Variants in RAP1GAP2 observed in about 807,000 individuals in gnomAD.
RAP1GAP2 encodes the protein RAP1 GTPase activating protein 2.
In RAP1GAP2, 27 loss-of-function variants were observed where a neutral mutation model predicts 95.0. The observed-to-expected ratio is 0.28, with a 90% CI of 0.21 to 0.39. RAP1GAP2 has a LOEUF of 0.39. Among genes scored for constraint, RAP1GAP2 ranks in the 10% least tolerant of loss-of-function variants. RAP1GAP2 has a pLI of 1.00. For missense variants in RAP1GAP2, 771 were observed against 970.0 expected, an observed-to-expected ratio of 0.79 and a Z score of 2.72; for synonymous variants, 373 against 380.9, an observed-to-expected ratio of 0.98 and a Z score of 0.24.
chr17:2,797,073 GTGTGTGTGA>G lies in RAP1GAP2; in HGVS notation c.44+505_44+513del. Among the ~76,000 whole-genome samples the G allele has an allele frequency of 6.6e-6, 1 of 152,246 alleles. No homozygotes were observed. Among genetic ancestry groups the G allele is most frequent in the African/African-American group, 2.4e-5 (1 of 41,530 alleles). ...TGTGTGTGCTTGTGTCTGCGTGTTTGTGTGTGTGATGCTCCTGTCTGTGCTGTTGTTGTG... is the reference window on the plus strand; with the variant it reads ...TGTGTGTGCTTGTGTCTGCGTGTTTGTGCTCCTGTCTGTGCTGTTGTTGTG... On this transcript the variant is annotated intron_variant, in intron 1 of 24. Transcript: ENST00000254695. This position sits in a 1 kb window ranked among gnomAD's most constrained non-coding sequence, Gnocchi z 5.6.
intron 2 of RAP1GAP2, among the ~76,000 whole-genome samples, chr17:2,891,809 C>CTTTTTTTTTTTTTTTTTTTT: frequency 1.7e-5 from 1 of 58,030 alleles, no homozygotes; most frequent in Non-Finnish European, 4.0e-5. Context: ...ATTCATATTT[C>CTTTTTTTTTTTTTTTTTTTT]TTTTCTTTTT....
intron 2 of RAP1GAP2, among the ~76,000 whole-genome samples, chr17:2,900,812 C>A (rs771974554): frequency 2.0e-5 from 3 of 152,204 alleles, no homozygotes; most frequent in African/African-American, 7.2e-5. Flanking sequence ...CAAGACACAA[C>A]GAGGTAACTT....
chr17:2,867,446 AGATGGAC>A lies in RAP1GAP2; in HGVS notation c.81-37832_81-37826del, dbSNP rs149812690. Reference sequence around the variant, plus strand: ...TCGTCCTCAGGTACCTTATCCACGAAGATGGACGATGGCTGCCCTGGGCTGACCTTCT... The same window carrying A: ...TCGTCCTCAGGTACCTTATCCACGAAGATGGCTGCCCTGGGCTGACCTTCT... On this transcript the variant is annotated intron_variant, in intron 2 of 24. Transcript: ENST00000254695. This position sits in a 1 kb window ranked among gnomAD's most constrained non-coding sequence, Gnocchi z 4.5. Among the ~76,000 whole-genome samples, 703 of 152,294 alleles carry A rather than the reference AGATGGAC, an allele frequency of 4.6e-3. 6 individuals are homozygous for A. Among genetic ancestry groups the A allele is most frequent in the African/African-American group, 0.016 (664 of 41,564 alleles).
chr17:2,850,857 T>G (rs1026622275), intron 2 of RAP1GAP2, among the ~76,000 whole-genome samples: 6 of 151,726 alleles, frequency 4.0e-5, no homozygotes, highest in Non-Finnish European at 7.4e-5. Context: ...GGTCAGGAGT[T>G]CGAGATCAGC....
chr17:2,813,557 G>A (rs1014766645), intron 2 of RAP1GAP2, among the ~76,000 whole-genome samples: 1 of 152,192 alleles, frequency 6.6e-6, no homozygotes, highest in Non-Finnish European at 1.5e-5. Context: ...AACATTTGAG[G>A]CTGGCTGACT....
At chr17:2,769,420 C>T (rs776448447) in intron 1 of RAP1GAP2, among the ~76,000 whole-genome samples, 110 of 150,654 alleles carry the variant, frequency 7.3e-4, no homozygotes, top group African/African-American at 1.5e-3. Context: ...CCGGGCGTGG[C>T]GGTGGGCGCC....
At chr17:2,850,161 C>T (rs1041049001) in intron 2 of RAP1GAP2, among the ~76,000 whole-genome samples, 13 of 151,532 alleles carry the variant, frequency 8.6e-5, no homozygotes, top group East Asian at 8.0e-4. Flanking sequence ...CCACCACGCC[C>T]GGCTAATTTT....
intron 3 of RAP1GAP2, among the ~76,000 whole-genome samples, chr17:2,923,616 G>A (rs1292459920): frequency 6.6e-6 from 1 of 151,886 alleles, no homozygotes; most frequent in African/African-American, 2.4e-5. Context: ...TTACAGGCCT[G>A]AGCCAATGTG....
chr17:2,856,252 T>C (rs564550636), intron 2 of RAP1GAP2, among the ~76,000 whole-genome samples: 3 of 152,126 alleles, frequency 2.0e-5, no homozygotes, highest in South Asian at 2.1e-4. Context: ...ATTCTGAGTA[T>C]AGAATGGGTG....
chr17:2,799,981 C>T (rs2069213172), intron 1 of RAP1GAP2, among the ~76,000 whole-genome samples: 1 of 152,122 alleles, frequency 6.6e-6, no homozygotes, highest in African/African-American at 2.4e-5. Flanking sequence ...AGGGTCTGCC[C>T]CAGGAGCAGG....
intron 2 of RAP1GAP2, among the ~76,000 whole-genome samples, chr17:2,805,219 C>T (rs953546202): frequency 6.6e-6 from 1 of 152,180 alleles, no homozygotes; most frequent in African/African-American, 2.4e-5. Context: ...GGGGATCCCT[C>T]TTCTCCAGTC....
At chr17:2,934,422 G>A (rs567446818) in intron 3 of RAP1GAP2, among the ~76,000 whole-genome samples, 7 of 152,302 alleles carry the variant, frequency 4.6e-5, no homozygotes, top group Non-Finnish European at 7.4e-5. Context: ...GTGAGCCACC[G>A]CACCCGGCCT....
chr17:2,979,536 G>A (rs542442344), intron 8 of RAP1GAP2, among the ~76,000 whole-genome samples: 13 of 142,062 alleles, frequency 9.2e-5, no homozygotes, highest in Admixed American at 3.1e-4. Context: ...GCACAATCTC[G>A]GCTCACTGCA....
At chr17:2,984,901 G>T in intron 10 of RAP1GAP2, 82 bp from the exon 11 acceptor site, 29 of 1,572,952 alleles carry the variant, frequency 1.8e-5, no homozygotes, top group Non-Finnish European at 2.5e-5. Context: ...TCCCCAAATG[G>T]ATGCTTCCCC....
intron 2 of RAP1GAP2, among the ~76,000 whole-genome samples, chr17:2,833,610 AACCT>A (rs1399652064): frequency 6.6e-6 from 1 of 150,792 alleles, no homozygotes; most frequent in East Asian, 2.0e-4. Flanking sequence ...GAATGGCATG[AACCT>A]GGGAGGCGGA....
rs145083963 is a variant in RAP1GAP2 at position 3,032,443 on chromosome 17, G to A, written c.*24G>A. ...AATGTGAAAGTGGAGTCCTTCGCCT[G>A]TCCAAGGTGGGTTGAGTGAATGTCC... On this transcript the variant is annotated 3_prime_UTR_variant, in exon 24 of 25. Coordinates refer to ENST00000254695, the MANE Select transcript of RAP1GAP2 (RefSeq NM_015085.5). 26 of 1,613,750 alleles carry A rather than the reference G, an allele frequency of 1.6e-5. No homozygotes were observed. The highest frequency in any genetic ancestry group is 2.2e-5 in the Non-Finnish European group (26 of 1,179,654).
At chr17:2,815,456 ATATTATTATTATTATTAT>A (rs10675930) in intron 2 of RAP1GAP2, among the ~76,000 whole-genome samples, 21 of 140,138 alleles carry the variant, frequency 1.5e-4, no homozygotes, top group South Asian at 6.9e-4. Context: ...AACATCTCTG[ATATTATTATTATTATTAT>A]TATTATTATT....
chr17:2,989,079 A>G (rs111581646), intron 11 of RAP1GAP2, among the ~76,000 whole-genome samples: 103 of 94,002 alleles, frequency 1.1e-3, no homozygotes, highest in African/African-American at 4.8e-3. Flanking sequence ...TGTCTCAAAA[A>G]ACAAAAACAA....
At chr17:2,895,352 T>TA (rs1205448593) in intron 2 of RAP1GAP2, among the ~76,000 whole-genome samples, 1 of 152,184 alleles carries the variant, frequency 6.6e-6, no homozygotes, top group Non-Finnish European at 1.5e-5. Flanking sequence ...AGCACCGTGG[T>TA]AAACGCCACA....
Sources: gnomAD v4.1 joint callset for allele counts (sites outside exome capture counted in the v4.1 genomes callset) on GRCh38, gnomAD v4.1.1 for gene constraint, Gnocchi (gnomAD v3.1) non-coding constraint, MANE v1.5 for transcripts, NCBI Gene and HGNC (gene_info 2026-07-23, HGNC 2026-07-21) for gene names.